RBFOX1: variants seen among roughly 807,000 people sequenced by gnomAD.
RBFOX1 encodes RNA binding fox-1 homolog 1, also known as RNA binding protein fox-1 homolog 1.
RBFOX1 carries 8 observed loss-of-function variants against 57.7 expected under a neutral mutation model. The observed-to-expected ratio is 0.14, with a 90% CI of 0.08 to 0.25. The LOEUF is 0.25. Ranked by LOEUF, RBFOX1 falls within the 10% of genes least tolerant of loss-of-function variation. The pLI, the probability that RBFOX1 is intolerant of heterozygous loss-of-function variation, is 1.00. For missense variants in RBFOX1, 611 were observed against 548.5 expected (o/e 1.11, Z -1.14); for synonymous variants, 326 against 222.4 (o/e 1.47, Z -4.15).
Position 5,758,614 on chromosome 16 carries a change from G to C in RBFOX1, c.319-108689G>C, listed in dbSNP as rs553161549. Among the ~76,000 whole-genome samples the C allele has an allele frequency of 7.4e-4, 112 of 152,324 alleles. 1 individual carries two copies. The highest frequency in any genetic ancestry group is 2.5e-3 in the African/African-American group (103 of 41,590). On this transcript the variant is annotated intron_variant, in intron 3 of 19. Coordinates refer to the RBFOX1 transcript ENST00000641259. ...GTAGTGTCTCCATGGAAACTGGAAA[G>C]GTACAAAATTAAGACCTCAGAATAG... is the stretch of plus-strand genomic sequence containing the variant.
chr16:7,520,508 A>T (rs886745716), intron 5 of RBFOX1, among the ~76,000 whole-genome samples: 1 of 152,070 alleles, frequency 6.6e-6, no homozygotes, highest in African/African-American at 2.4e-5. Context: ...TCTTAACACG[A>T]TGTTGTCTAG....
chr16:5,489,407 C>G (rs963908909), intron 2 of RBFOX1, among the ~76,000 whole-genome samples: 1 of 152,226 alleles, frequency 6.6e-6, no homozygotes, highest in African/African-American at 2.4e-5. Flanking sequence ...GGTTTAAGTT[C>G]TGATCAGCCA....
chr16:6,297,906 C>T (rs556502398), intron 1 of RBFOX1, among the ~76,000 whole-genome samples: 8 of 152,246 alleles, frequency 5.3e-5, no homozygotes, highest in African/African-American at 1.7e-4. Context: ...CCCATCTATC[C>T]AGATGAGAGC....
intron 2 of RBFOX1, among the ~76,000 whole-genome samples, chr16:5,472,587 C>T (rs1490744735): frequency 1.3e-5 from 2 of 152,132 alleles, no homozygotes; most frequent in Non-Finnish European, 2.9e-5. Flanking sequence ...TTCTCGTCTT[C>T]CAGGCTCCTT....
At chr16:6,516,155 A>G (rs569214370) in intron 2 of RBFOX1, among the ~76,000 whole-genome samples, 1 of 152,182 alleles carries the variant, frequency 6.6e-6, no homozygotes, top group South Asian at 2.1e-4. Context: ...CAGCCTCCCG[A>G]GTAGCTGGGA....
chr16:6,937,953 C>G (rs72772299), intron 3 of RBFOX1, among the ~76,000 whole-genome samples: 1 of 116,898 alleles, frequency 8.6e-6, no homozygotes, highest in Non-Finnish European at 1.6e-5. Flanking sequence ...AATGCCCTGG[C>G]TGAGAGGAGA....
chr16:6,723,237 T>C (rs2066403193), intron 3 of RBFOX1, among the ~76,000 whole-genome samples: 1 of 152,210 alleles, frequency 6.6e-6, no homozygotes, highest in Non-Finnish European at 1.5e-5. Context: ...CCACTAATAC[T>C]GTGAGACTTT....
intron 4 of RBFOX1, among the ~76,000 whole-genome samples, chr16:7,155,590 T>C (rs1158504702): frequency 1.5e-5 from 2 of 137,728 alleles, no homozygotes; most frequent in African/African-American, 5.8e-5. Context: ...GGTGAGCACT[T>C]GTCTGAAAAA....
Position 6,779,470 on chromosome 16 carries a change from A to G in RBFOX1, c.-16+124820A>G, listed in dbSNP as rs370704439. ...CTTGGCTGTTGTGAAGAGTACTACA[A>G]TAAACATGGCAGTGCACATATCTCT... On this transcript the variant is annotated intron_variant, in intron 3 of 15. Transcript: ENST00000550418. Among the ~76,000 whole-genome samples, 43 of 151,854 alleles carry G rather than the reference A, an allele frequency of 2.8e-4. 1 individual carries two copies. Among genetic ancestry groups the G allele is most frequent in the East Asian group, 2.5e-3 (13 of 5,150 alleles).
intron 4 of RBFOX1, among the ~76,000 whole-genome samples, chr16:7,459,983 T>A (rs1351203658): frequency 6.6e-6 from 1 of 152,078 alleles, no homozygotes; most frequent in African/African-American, 2.4e-5. Context: ...AAAATGGAAA[T>A]AAAATTAGTT....
intron 2 of RBFOX1, among the ~76,000 whole-genome samples, chr16:5,544,951 C>CTTTTTTTTTTTTTTTTT (rs59873374): frequency 1.4e-4 from 17 of 124,392 alleles, no homozygotes; most frequent in African/African-American, 1.7e-4. Context: ...CTATTACATT[C>CTTTTTTTTTTTTTTTTT]TTTTTTTTTT....
chr16:6,569,187 G>T (rs1158866831), intron 2 of RBFOX1, among the ~76,000 whole-genome samples: 1 of 152,130 alleles, frequency 6.6e-6, no homozygotes, highest in African/African-American at 2.4e-5. Flanking sequence ...AATTGTGGAA[G>T]CAATGTATAA....
chr16:7,517,138 CGTGTGTGTGTGTGTGTGTGTGTGTGTGT>C (rs200887129), intron 4 of RBFOX1, among the ~76,000 whole-genome samples: 3 of 130,126 alleles, frequency 2.3e-5, no homozygotes, highest in African/African-American at 5.8e-5. Flanking sequence ...TTTCTTATGC[CGTGTGTGTGTGTGTGTGTGTGTGTGTGT>C]GTGTGTGTGT....
At chr16:7,405,440 C>A (rs376075634) in intron 4 of RBFOX1, among the ~76,000 whole-genome samples, 1 of 152,282 alleles carries the variant, frequency 6.6e-6, no homozygotes, top group South Asian at 2.1e-4. Flanking sequence ...AGCTGAGCTC[C>A]GGGCGAAGTG....
chr16:7,509,127 G>A (rs1484030887), intron 4 of RBFOX1, among the ~76,000 whole-genome samples: 3 of 152,154 alleles, frequency 2.0e-5, no homozygotes, highest in African/African-American at 7.2e-5. Context: ...TTTGCTCACT[G>A]GGAGAGAAAA....
chr16:6,961,383 G>A (rs12923735), intron 3 of RBFOX1, among the ~76,000 whole-genome samples: 93,148 of 151,972 alleles, frequency 0.61, 28,677 homozygotes, highest in Non-Finnish European at 0.63. Flanking sequence ...ATTTCCCAGC[G>A]CTGCTATAGC....
intron 3 of RBFOX1, among the ~76,000 whole-genome samples, chr16:7,036,312 G>A (rs2044405469): frequency 6.6e-6 from 1 of 151,850 alleles, no homozygotes; most frequent in Non-Finnish European, 1.5e-5. Context: ...AAAACTTTCA[G>A]AAGCAGTAGC....
At chr16:7,483,297 G>A (rs1379597733) in intron 4 of RBFOX1, among the ~76,000 whole-genome samples, 3 of 152,196 alleles carry the variant, frequency 2.0e-5, no homozygotes, top group Non-Finnish European at 4.4e-5. Flanking sequence ...GACGAAGAGC[G>A]TTGGCTTCAC....
intron 2 of RBFOX1, among the ~76,000 whole-genome samples, chr16:6,442,797 T>G (rs960485806): frequency 3.3e-5 from 5 of 152,126 alleles, no homozygotes; most frequent in Admixed American, 6.5e-5. Context: ...GGTCAAAACA[T>G]TTTGGGGAAT....
Sources: allele counts gnomAD v4.1 joint callset (sites outside exome capture counted in the v4.1 genomes callset), GRCh38; gene constraint gnomAD v4.1.1; transcripts MANE v1.5; gene names NCBI Gene and HGNC (gene_info 2026-07-23, HGNC 2026-07-21).